The following PKP4 variants were observed in gnomAD, a reference collection of about 807,000 sequenced individuals.
The protein encoded by PKP4 is plakophilin-4.
Under a neutral mutation model 145.1 loss-of-function variants are expected in PKP4, and 90 were observed. That is an observed-to-expected ratio of 0.62 (90% CI 0.52 to 0.74). The LOEUF (loss-of-function observed/expected upper bound fraction) is 0.74. Among genes scored for constraint, PKP4 ranks in the 30% least tolerant of loss-of-function variants. PKP4 has a pLI of 0.00. For missense variants in PKP4, 1,340 were observed against 1,482.7 expected, an observed-to-expected ratio of 0.90 and a Z score of 1.58; for synonymous variants, 563 against 577.2, an observed-to-expected ratio of 0.98 and a Z score of 0.35.
intron 1 of PKP4, among the ~76,000 whole-genome samples, chr2:158,459,988 C>T (rs530082365): frequency 1.3e-5 from 2 of 152,212 alleles, no homozygotes; most frequent in South Asian, 4.1e-4. Flanking sequence ...AAGTGCATTC[C>T]CTCCCCACCC....
At chr2:158,472,490 A>G (rs2105406494) in intron 1 of PKP4, among the ~76,000 whole-genome samples, 2 of 151,728 alleles carry the variant, frequency 1.3e-5, no homozygotes, top group South Asian at 2.1e-4. Context: ...GCAGGCGCCT[A>G]TAATCCCAGC....
At chr2:158,578,377 A>G (rs989173489) in intron 3 of PKP4, 2 of 157,070 alleles carry the variant, frequency 1.3e-5, no homozygotes, top group Non-Finnish European at 2.9e-5. Context: ...CAAAACAAAT[A>G]TAAGATTATG....
At position 158,547,068 on chromosome 2, in the gene PKP4, G is replaced by C. The variant is rs529139451; in HGVS notation, c.132+13752G>C. On this transcript the variant is annotated intron_variant, in intron 2 of 21. Coordinates refer to ENST00000389759, the MANE Select transcript of PKP4 (RefSeq NM_003628.6). ...GATGACTTTTACATTTTTGGGCCATGGGGGGGCAGTGGTAAGTGTAAGATG... is the reference window on the plus strand; with the variant it reads ...GATGACTTTTACATTTTTGGGCCATCGGGGGGCAGTGGTAAGTGTAAGATG... Among the ~76,000 whole-genome samples, 8 of 152,180 alleles carry C rather than the reference G, an allele frequency of 5.3e-5. No homozygotes were observed. In the South Asian group the frequency reaches 1.7e-3, roughly 32 times the overall value.
chr2:158,539,008 A>G (rs2044301154), intron 2 of PKP4, among the ~76,000 whole-genome samples: 1 of 152,234 alleles, frequency 6.6e-6, no homozygotes, highest in African/African-American at 2.4e-5. Flanking sequence ...CTCAAGTTAG[A>G]TAGTGTATGC....
chr2:158,476,712 G>GT lies in PKP4; in HGVS notation c.-6+19506dup, dbSNP rs11346794. On this transcript the variant is annotated intron_variant, in intron 1 of 21. Coordinates refer to ENST00000389759, the MANE Select transcript of PKP4 (RefSeq NM_003628.6). Reference sequence around the variant, plus strand: ...TTTAGGCGATCTCACTTTTAAAATAGTTTTTTTTTTTTCTGATTGTAAATG... The same window carrying GT: ...TTTAGGCGATCTCACTTTTAAAATAGTTTTTTTTTTTTTCTGATTGTAAATG... 5.2e-3 allele frequency among the ~76,000 whole-genome samples: 764 copies of GT among 147,532 alleles called. 5 individuals carry two copies. Among genetic ancestry groups the GT allele is most frequent in the African/African-American group, 0.015 (622 of 40,138 alleles).
chr2:158,538,212 A>G (rs1200030119), intron 2 of PKP4, among the ~76,000 whole-genome samples: 1 of 152,210 alleles, frequency 6.6e-6, no homozygotes, highest in Non-Finnish European at 1.5e-5. Flanking sequence ...ATGGGTCAGA[A>G]TGCTCACTCA....
chr2:158,507,069 G>C (rs894299448), intron 1 of PKP4, among the ~76,000 whole-genome samples: 5 of 152,202 alleles, frequency 3.3e-5, no homozygotes, highest in African/African-American at 1.2e-4. Context: ...GTTCCATCCA[G>C]CCACTGACTA....
At chr2:158,576,850 C>T (rs1033436465) in intron 2 of PKP4, among the ~76,000 whole-genome samples, 5 of 151,866 alleles carry the variant, frequency 3.3e-5, no homozygotes, top group Non-Finnish European at 5.9e-5. Context: ...ATTCTGATCA[C>T]GGGGATTTAT....
intron 1 of PKP4, among the ~76,000 whole-genome samples, chr2:158,475,825 T>C (rs554652873): frequency 4.5e-4 from 69 of 152,212 alleles, no homozygotes; most frequent in Non-Finnish European, 6.9e-4. Flanking sequence ...ATAAACTACA[T>C]GCACTGAAGT....
chr2:158,557,375 T>G (rs1277457182), intron 2 of PKP4, among the ~76,000 whole-genome samples: 1 of 152,174 alleles, frequency 6.6e-6, no homozygotes, highest in African/African-American at 2.4e-5. Flanking sequence ...AAATTGTAGT[T>G]GTATGAATGA....
At position 158,541,487 on chromosome 2, in the gene PKP4, A is replaced by G. The variant is rs189728854; in HGVS notation, c.132+8171A>G. Among the ~76,000 whole-genome samples the G allele has an allele frequency of 3.0e-3, 463 of 152,210 alleles. 1 individual carries two copies. The highest frequency in any genetic ancestry group is 9.9e-3 in the African/African-American group (411 of 41,552). On this transcript the variant is annotated intron_variant, in intron 2 of 21. Coordinates refer to ENST00000389759, the MANE Select transcript of PKP4 (RefSeq NM_003628.6). ...ATCTTAAGAGTTTTTATGTACCCAA[A>G]CCTTAATAATGTAGGAGTTACACAA...
In PKP4 at chr2:158,536,092, A is replaced by C. The variant is rs576224069; in HGVS notation, c.132+2776A>C. Among the ~76,000 whole-genome samples the C allele has an allele frequency of 8.5e-5, 13 of 152,314 alleles. No homozygotes were observed. The South Asian group carries it at 1.7e-3, about 19-fold the overall frequency. On this transcript the variant is annotated intron_variant, in intron 2 of 21. Transcript: ENST00000389759. ...ATAAGAAGAAAAGGCTCCTCTTAGGAGGAGCTAGTGGTTCTACTTGTAACC... is the reference window on the plus strand; with the variant it reads ...ATAAGAAGAAAAGGCTCCTCTTAGGCGGAGCTAGTGGTTCTACTTGTAACC...
intron 8 of PKP4, chr2:158,632,717 T>A (rs1443307444): frequency 6.6e-6 from 1 of 152,074 alleles, no homozygotes. Context: ...AAGGTACAAC[T>A]CTAGAACACC....
chr2:158,547,722 A>G (rs2045204432), intron 2 of PKP4, among the ~76,000 whole-genome samples: 1 of 152,258 alleles, frequency 6.6e-6, no homozygotes, highest in South Asian at 2.1e-4. Context: ...TAAGAATCAC[A>G]GTAAGACCCT....
chr2:158,560,520 CATT>C (rs2046429976), intron 2 of PKP4, among the ~76,000 whole-genome samples: 1 of 152,104 alleles, frequency 6.6e-6, no homozygotes, highest in Non-Finnish European at 1.5e-5. Context: ...GTCATGATAA[CATT>C]GTACAATGCT....
intron 1 of PKP4, among the ~76,000 whole-genome samples, chr2:158,479,744 G>A (rs756486709): frequency 5.9e-5 from 9 of 152,132 alleles, no homozygotes; most frequent in Non-Finnish European, 1.0e-4. Flanking sequence ...TGAATAAAAA[G>A]CATTAATAAC....
At chr2:158,612,567 G>T (rs1476522368) in intron 4 of PKP4, among the ~76,000 whole-genome samples, 1 of 152,084 alleles carries the variant, frequency 6.6e-6, no homozygotes, top group East Asian at 1.9e-4. Context: ...CCACCAGAAA[G>T]CTTAACAATT....
At chr2:158,661,860 T>C (rs2056618563) in intron 13 of PKP4, 1 of 172,346 alleles carries the variant, frequency 5.8e-6, no homozygotes. Context: ...CAGTCCACAG[T>C]CCCCACCCCC....
intron 20 of PKP4, among the ~76,000 whole-genome samples, chr2:158,678,310 G>A (rs529843665): frequency 5.3e-5 from 8 of 152,330 alleles, no homozygotes; most frequent in African/African-American, 1.4e-4. Context: ...GAACCTTTGC[G>A]CATGGGCTCT....
Sources: allele counts gnomAD v4.1 joint callset (sites outside exome capture counted in the v4.1 genomes callset), GRCh38; gene constraint gnomAD v4.1.1; transcripts MANE v1.5; gene names NCBI Gene and HGNC (gene_info 2026-07-23, HGNC 2026-07-21).